The following NCALD variants were observed in gnomAD, a reference collection of about 807,000 sequenced individuals.
NCALD encodes neurocalcin-delta.
A neutral mutation model predicts 18.6 loss-of-function variants in NCALD; 10 were observed. The observed-to-expected ratio is 0.54, with a 90% CI of 0.33 to 0.91. The LOEUF (loss-of-function observed/expected upper bound fraction) is 0.91, where lower values mean the gene tolerates loss of function less well. Among genes scored for constraint, NCALD ranks in the 40% least tolerant of loss-of-function variants. NCALD has a pLI of 0.03. For synonymous variants in NCALD, 88 were observed against 87.4 expected, an observed-to-expected ratio of 1.01 and a Z score of -0.04; for missense variants, 184 against 247.6, an observed-to-expected ratio of 0.74 and a Z score of 1.72.
At chr8:102,050,604 A>G (rs2132218966) in intron 1 of NCALD, among the ~76,000 whole-genome samples, 1 of 149,640 alleles carries the variant, frequency 6.7e-6, no homozygotes, top group East Asian at 1.9e-4. Flanking sequence ...CAAAAATTAT[A>G]CTATATTTAT....
At chr8:101,773,660 C>T (rs2130910101) in intron 1 of NCALD, among the ~76,000 whole-genome samples, 1 of 152,226 alleles carries the variant, frequency 6.6e-6, no homozygotes, top group African/African-American at 2.4e-5. Context: ...TGAGAGAGGC[C>T]CCAGCAGTGG....
At chr8:101,797,455 T>C (rs1162743425) in intron 4 of NCALD, among the ~76,000 whole-genome samples, 1 of 152,098 alleles carries the variant, frequency 6.6e-6, no homozygotes, top group East Asian at 1.9e-4. Context: ...AATGAAATAA[T>C]AAACTTTGAA....
chr8:102,079,794 C>T (rs1024394171), intron 1 of NCALD, among the ~76,000 whole-genome samples: 2 of 152,198 alleles, frequency 1.3e-5, no homozygotes, highest in Non-Finnish European at 2.9e-5. Context: ...ATTATTTTCT[C>T]TTTGCACATC....
intron 3 of NCALD, among the ~76,000 whole-genome samples, chr8:101,909,603 C>T (rs1419310878): frequency 6.6e-6 from 1 of 152,134 alleles, no homozygotes; most frequent in Non-Finnish European, 1.5e-5. Context: ...TTCATAACCA[C>T]CTCAGAATAG....
chr8:101,775,126 A>T (rs1563756271), intron 1 of NCALD, among the ~76,000 whole-genome samples: 1 of 152,220 alleles, frequency 6.6e-6, no homozygotes. Context: ...CCAATGGCAT[A>T]AATCCACTAC....
chr8:101,850,353 C>T (rs1779431296), intron 4 of NCALD, among the ~76,000 whole-genome samples: 1 of 152,190 alleles, frequency 6.6e-6, no homozygotes, highest in Non-Finnish European at 1.5e-5. Flanking sequence ...ATAGAACAAA[C>T]TGCTTCTTAA....
At chr8:101,762,171 A>C (rs2130840011) in intron 1 of NCALD, among the ~76,000 whole-genome samples, 1 of 152,304 alleles carries the variant, frequency 6.6e-6, no homozygotes, top group African/African-American at 2.4e-5. Flanking sequence ...CCCTAAATAG[A>C]CCAGGAGCTT....
intron 4 of NCALD, among the ~76,000 whole-genome samples, chr8:101,879,590 C>T (rs1292733306): frequency 6.6e-6 from 1 of 152,184 alleles, no homozygotes; most frequent in South Asian, 2.1e-4. Context: ...GTTACAACGG[C>T]TAGCTGGGAC....
chr8:102,042,991 T>A (rs1111908), intron 1 of NCALD, among the ~76,000 whole-genome samples: 10 of 151,546 alleles, frequency 6.6e-5, no homozygotes, highest in Non-Finnish European at 1.3e-4. Context: ...CAGTCCAGTC[T>A]TGTATGTAAA....
At chr8:101,707,576 T>G (rs1312001278) in intron 2 of NCALD, among the ~76,000 whole-genome samples, 4 of 152,224 alleles carry the variant, frequency 2.6e-5, no homozygotes, top group Admixed American at 6.5e-5. Context: ...TATTTCCAAA[T>G]GCCTTCCTTC....
chr8:101,930,391 C>T (rs1474614997), intron 2 of NCALD, among the ~76,000 whole-genome samples: 2 of 151,962 alleles, frequency 1.3e-5, no homozygotes, highest in South Asian at 2.1e-4. Flanking sequence ...GTAAGTCCTA[C>T]AGGAAGAGAC....
At chr8:101,776,616 T>C (rs1811802155) in intron 1 of NCALD, among the ~76,000 whole-genome samples, 2 of 152,118 alleles carry the variant, frequency 1.3e-5, no homozygotes, top group African/African-American at 4.8e-5. Flanking sequence ...GGGGTCATGC[T>C]TTATCCATTC....
rs117477748 is a variant in NCALD at position 101,838,707 on chromosome 8, G to A, written c.-20+48434C>T. 7.9e-5 allele frequency among the ~76,000 whole-genome samples: 12 copies of A among 152,316 alleles called. No homozygotes were observed. The East Asian group carries it at 2.3e-3, about 29-fold the overall frequency. On this transcript the variant is annotated intron_variant, in intron 4 of 6. Transcript: ENST00000311028. ...AATAAATTTTGGTGCTTCACTGGAA[G>A]GTCACTGGGTGGACTCATGCTTTTT... is the stretch of plus-strand genomic sequence containing the variant.
At chr8:102,057,546 G>C (rs1110080) in intron 1 of NCALD, among the ~76,000 whole-genome samples, 95,461 of 152,034 alleles carry the variant, frequency 0.63, 30,435 homozygotes, top group East Asian at 0.8. Context: ...ATGCTCCAGT[G>C]TCTACTGAAA....
chr8:101,867,621 C>G (rs1164961971), intron 4 of NCALD, among the ~76,000 whole-genome samples: 1 of 152,092 alleles, frequency 6.6e-6, no homozygotes, highest in African/African-American at 2.4e-5. Context: ...AATTTGTAGG[C>G]TTTATTTTTT....
chr8:101,821,449 C>T (rs949481245), intron 4 of NCALD, among the ~76,000 whole-genome samples: 1 of 152,126 alleles, frequency 6.6e-6, no homozygotes, highest in Non-Finnish European at 1.5e-5. Flanking sequence ...TTCTCAAGGT[C>T]ACACAGCTAG....
intron 1 of NCALD, among the ~76,000 whole-genome samples, chr8:102,026,462 C>T (rs1020773638): frequency 5.3e-5 from 8 of 152,178 alleles, no homozygotes; most frequent in African/African-American, 1.7e-4. Context: ...TCTAACAAGG[C>T]AGTAATTAAA....
intron 2 of NCALD, among the ~76,000 whole-genome samples, chr8:101,698,408 T>G (rs1006701687): frequency 6.6e-6 from 1 of 152,204 alleles, no homozygotes; most frequent in Non-Finnish European, 1.5e-5. Context: ...ACCATTGACA[T>G]TCTTCATAGA....
intron 1 of NCALD, among the ~76,000 whole-genome samples, chr8:102,029,461 T>C (rs1442731888): frequency 6.6e-6 from 1 of 152,228 alleles, no homozygotes; most frequent in Non-Finnish European, 1.5e-5. Flanking sequence ...TTACCTAGCC[T>C]GCAAACATGA....
Sources: allele counts gnomAD v4.1 joint callset (sites outside exome capture counted in the v4.1 genomes callset), GRCh38; gene constraint gnomAD v4.1.1; transcripts MANE v1.5; gene names NCBI Gene and HGNC (gene_info 2026-07-23, HGNC 2026-07-21).